MUSK: variants seen among roughly 807,000 people sequenced by gnomAD.
MUSK encodes the protein muscle, skeletal receptor tyrosine-protein kinase.
In MUSK, 55 loss-of-function variants were observed where a neutral mutation model predicts 88.7. The ratio of observed to expected loss-of-function variants is 0.62; its 90% CI spans 0.50 to 0.78. MUSK has a LOEUF of 0.78. Ranked by LOEUF, MUSK falls within the 30% of genes least tolerant of loss-of-function variation. MUSK has a pLI of 0.00. For missense variants in MUSK, 1,015 were observed against 1,074.3 expected (o/e 0.94, Z 0.77); for synonymous variants, 387 against 391.9 (o/e 0.99, Z 0.15).
chr9:110,730,694 AC>A (rs753361474), intron 5 of MUSK, among the ~76,000 whole-genome samples: 8 of 152,028 alleles, frequency 5.3e-5, no homozygotes, highest in Non-Finnish European at 7.4e-5. Flanking sequence ...TGCTTGAAAA[AC>A]ATGTCAAAAT....
intron 7 of MUSK, among the ~76,000 whole-genome samples, chr9:110,752,846 A>G (rs1022788967): frequency 6.6e-6 from 1 of 152,218 alleles, no homozygotes; most frequent in African/African-American, 2.4e-5. Flanking sequence ...GAAATGTGAT[A>G]TATTTCTTTC....
chr9:110,804,982 T>C lies in MUSK; in HGVS notation c.*3994T>C, dbSNP rs1439928465. On this transcript the variant is annotated 3_prime_UTR_variant, in exon 15 of 15. Coordinates refer to ENST00000374448, the MANE Select transcript of MUSK (RefSeq NM_005592.4). ...TTCAAGCCTTGCTTTTATCACTTAA[T>C]ATATCTTAAACATCTTCTACATGAA... Among the ~76,000 whole-genome samples the C allele has an allele frequency of 6.6e-6, 1 of 151,964 alleles. No homozygotes were observed. Among genetic ancestry groups the C allele is most frequent in the Non-Finnish European group, 1.5e-5 (1 of 67,818 alleles).
chr9:110,702,482 T>C (rs2076542160), intron 5 of MUSK, among the ~76,000 whole-genome samples: 1 of 152,146 alleles, frequency 6.6e-6, no homozygotes, highest in African/African-American at 2.4e-5. Context: ...CTGTCTTTAG[T>C]CGTGAGGGAG....
intron 6 of MUSK, among the ~76,000 whole-genome samples, chr9:110,743,052 G>A (rs902154942): frequency 6.6e-6 from 1 of 152,218 alleles, no homozygotes; most frequent in African/African-American, 2.4e-5. Flanking sequence ...CGAACGCAGA[G>A]CTGGGAGATA....
intron 5 of MUSK, among the ~76,000 whole-genome samples, chr9:110,718,877 G>C (rs2076777214): frequency 6.6e-6 from 1 of 152,068 alleles, no homozygotes; most frequent in Admixed American, 6.6e-5. Context: ...CAGAGTAACA[G>C]CAGATTTCTC....
chr9:110,716,603 T>C lies in MUSK; in HGVS notation c.629-17648T>C, dbSNP rs2076746663. 1.3e-5 allele frequency among the ~76,000 whole-genome samples: 2 copies of C among 150,032 alleles called. 1 individual carries two copies. Among genetic ancestry groups the C allele is most frequent in the African/African-American group, 5.0e-5 (2 of 39,626 alleles). ...ATAGGCAACTGTTATGTTTGTCCTTTCTTGATATTTGAAAAAAATGACCTT... is the reference window on the plus strand; with the variant it reads ...ATAGGCAACTGTTATGTTTGTCCTTCCTTGATATTTGAAAAAAATGACCTT... On this transcript the variant is annotated intron_variant, in intron 5 of 14. Transcript: ENST00000374448.
chr9:110,744,952 G>A (rs1480708764), intron 6 of MUSK, among the ~76,000 whole-genome samples: 1 of 152,172 alleles, frequency 6.6e-6, no homozygotes, highest in Non-Finnish European at 1.5e-5. Flanking sequence ...AAAATGGAGG[G>A]CAGAGGGATT....
At chr9:110,769,519 T>G (rs1425173737) in intron 9 of MUSK, among the ~76,000 whole-genome samples, 3 of 152,136 alleles carry the variant, frequency 2.0e-5, no homozygotes, top group Non-Finnish European at 4.4e-5. Context: ...TGAGGGGCAG[T>G]AAAATTTGTT....
At chr9:110,713,062 A>T (rs1334688054) in intron 5 of MUSK, among the ~76,000 whole-genome samples, 1 of 152,038 alleles carries the variant, frequency 6.6e-6, no homozygotes, top group African/African-American at 2.4e-5. Flanking sequence ...TTGAGGGAGG[A>T]AAAAGAAAAT....
At chr9:110,755,983 T>TATATATATATAC (rs201633322) in intron 7 of MUSK, among the ~76,000 whole-genome samples, 11,678 of 126,342 alleles carry the variant, frequency 0.092, 912 homozygotes, top group East Asian at 0.21. Flanking sequence ...TATATACATA[T>TATATATATATAC]ATATATATAT....
chr9:110,758,814 T>G (rs1249911430), intron 7 of MUSK, among the ~76,000 whole-genome samples: 2 of 152,122 alleles, frequency 1.3e-5, no homozygotes, highest in Non-Finnish European at 2.9e-5. Context: ...CATTCACGAT[T>G]GCCACAAAAG....
chr9:110,758,017 T>G lies in MUSK; in HGVS notation c.914-4185T>G, dbSNP rs541418018. Among the ~76,000 whole-genome samples, 5 of 152,334 alleles carry G rather than the reference T, an allele frequency of 3.3e-5. No individual in the cohort carries two copies. In the South Asian group the frequency reaches 1.0e-3, roughly 32 times the overall value. Reference sequence around the variant, plus strand: ...TCTCTCTCTTCCTCCCAAGTTGGAATGCAGTGGTGTGTGATCTCGGCTCAT... The same window carrying G: ...TCTCTCTCTTCCTCCCAAGTTGGAAGGCAGTGGTGTGTGATCTCGGCTCAT... On this transcript the variant is annotated intron_variant, in intron 7 of 14. Transcript: ENST00000374448.
chr9:110,755,967 T>C (rs10980554), intron 7 of MUSK, among the ~76,000 whole-genome samples: 9 of 58,842 alleles, frequency 1.5e-4, no homozygotes, highest in African/African-American at 2.6e-4. Flanking sequence ...TATATATACA[T>C]ATATATATAT....
At chr9:110,708,044 G>A (rs1396409453) in intron 5 of MUSK, among the ~76,000 whole-genome samples, 3 of 152,074 alleles carry the variant, frequency 2.0e-5, no homozygotes, top group African/African-American at 7.2e-5. Context: ...GCAGACATAT[G>A]AAATAGGTAA....
At chr9:110,694,422 C>T (rs1331208091) in intron 3 of MUSK, among the ~76,000 whole-genome samples, 1 of 149,616 alleles carries the variant, frequency 6.7e-6, no homozygotes, top group East Asian at 2.0e-4. Flanking sequence ...AAACAAAACC[C>T]AACAGGTCAT....
rs2078161788 is a variant in MUSK at position 110,806,300 on chromosome 9, A to G, written c.*5312A>G. 6.6e-6 allele frequency among the ~76,000 whole-genome samples: 1 copy of G among 152,186 alleles called. No individual in the cohort carries two copies. Among genetic ancestry groups the G allele is most frequent in the Non-Finnish European group, 1.5e-5 (1 of 68,020 alleles). On this transcript the variant is annotated 3_prime_UTR_variant, in exon 15 of 15. Coordinates refer to ENST00000374448, the MANE Select transcript of MUSK (RefSeq NM_005592.4). ...ACAACTTTCACAAATATTTCTAAAT[A>G]AAGGTTACCTACTGATTCTGGATTG... is the stretch of plus-strand genomic sequence containing the variant.
intron 5 of MUSK, among the ~76,000 whole-genome samples, chr9:110,712,143 A>C (rs2076680098): frequency 1.4e-5 from 2 of 139,768 alleles, no homozygotes; most frequent in Non-Finnish European, 3.1e-5. Context: ...TAAAACCTTT[A>C]ACTCATGTTT....
At chr9:110,712,657 C>A (rs1378745897) in intron 5 of MUSK, among the ~76,000 whole-genome samples, 1 of 152,122 alleles carries the variant, frequency 6.6e-6, no homozygotes, top group African/African-American at 2.4e-5. Context: ...AAAACACTGA[C>A]TTCAGGTTTT....
chr9:110,700,194 T>A (rs2076483860), intron 5 of MUSK, among the ~76,000 whole-genome samples: 1 of 152,240 alleles, frequency 6.6e-6, no homozygotes, highest in Admixed American at 6.5e-5. Context: ...GCTAACATTT[T>A]AAAAAGTTCC....
Sources: allele counts gnomAD v4.1 joint callset (sites outside exome capture counted in the v4.1 genomes callset), GRCh38; gene constraint gnomAD v4.1.1; transcripts MANE v1.5; gene names NCBI Gene and HGNC (gene_info 2026-07-23, HGNC 2026-07-21).